Variants in NOL4L observed in about 807,000 individuals in gnomAD.
NOL4L encodes nucleolar protein 4 like, also known as nucleolar protein 4-like.
NOL4L carries 7 observed loss-of-function variants against 64.5 expected under a neutral mutation model. That is an observed-to-expected ratio of 0.11 (90% CI 0.06 to 0.20). The LOEUF is 0.20. Among genes scored for constraint, NOL4L ranks in the 10% least tolerant of loss-of-function variants. NOL4L has a pLI of 1.00. For synonymous variants in NOL4L, 413 were observed against 401.0 expected (o/e 1.03, Z -0.36); for missense variants, 680 against 967.1 (o/e 0.70, Z 3.94).
At chr20:32,557,138 A>G (rs1978705512) in intron 1 of NOL4L, among the ~76,000 whole-genome samples, 2 of 152,200 alleles carry the variant, frequency 1.3e-5, no homozygotes, top group Admixed American at 1.3e-4. Context: ...GAGCCTATCC[A>G]CTACATAAAG....
rs562689896 is a variant in NOL4L, at chr20:32,546,251, T to C, written c.322-18338A>G. ...GTGAGCCAGTGCGCCCAGCTTTTTT[T>C]TCCTTTTTTTGGCGAGGGGATGGAG... On this transcript the variant is annotated intron_variant, in intron 1 of 10. Transcript: ENST00000621426. 9.9e-5 allele frequency among the ~76,000 whole-genome samples: 15 copies of C among 151,208 alleles called. No individual in the cohort carries two copies. The South Asian group carries it at 2.9e-3, about 30-fold the overall frequency.
chr20:32,456,695 G>A (rs1210349219), intron 5 of NOL4L, among the ~76,000 whole-genome samples: 5 of 152,190 alleles, frequency 3.3e-5, no homozygotes, highest in East Asian at 1.9e-4. Context: ...AAGGGAGACC[G>A]AGCTCCAAGG....
At chr20:32,505,886 G>A (rs1201083948) in intron 4 of NOL4L, among the ~76,000 whole-genome samples, 2 of 152,200 alleles carry the variant, frequency 1.3e-5, no homozygotes, top group Admixed American at 1.3e-4. Flanking sequence ...GGCTGGGGGA[G>A]GGGAGGAAGG....
intron 1 of NOL4L, among the ~76,000 whole-genome samples, chr20:32,572,842 C>T (rs1242279826): frequency 1.3e-5 from 2 of 152,144 alleles, no homozygotes; most frequent in Non-Finnish European, 2.9e-5. Flanking sequence ...TACCTCTGCC[C>T]ACTGCCCCTT....
intron 4 of NOL4L, among the ~76,000 whole-genome samples, chr20:32,479,594 C>T (rs2145491909): frequency 1.3e-5 from 2 of 152,258 alleles, no homozygotes; most frequent in Middle Eastern, 6.8e-3. Flanking sequence ...GTGTGCAATC[C>T]ATTACTTCTG....
chr20:32,473,503 C>T (rs899675653), intron 5 of NOL4L, among the ~76,000 whole-genome samples: 1 of 152,202 alleles, frequency 6.6e-6, no homozygotes, highest in African/African-American at 2.4e-5. Flanking sequence ...CCCCACTCCT[C>T]CTGCAGCCAC....
At chr20:32,498,695 C>T (rs546394079) in intron 4 of NOL4L, among the ~76,000 whole-genome samples, 7 of 143,560 alleles carry the variant, frequency 4.9e-5, no homozygotes, top group Middle Eastern at 3.5e-3. Flanking sequence ...CCTGGGAAGT[C>T]GAGGCTGCAT....
At chr20:32,584,269 C>CG (rs1193704233) in intron 1 of NOL4L, among the ~76,000 whole-genome samples, 1 of 150,996 alleles carries the variant, frequency 6.6e-6, no homozygotes, top group Non-Finnish European at 1.5e-5. Flanking sequence ...CGCCTGCTGG[C>CG]GGGGGGAGGG....
At chr20:32,532,340 A>C in intron 1 of NOL4L, 1 of 985,388 alleles carries the variant, frequency 1.0e-6, no homozygotes, top group African/African-American at 1.7e-5. Flanking sequence ...CTGGTGAGCT[A>C]GGGCCACCTG....
In NOL4L at chr20:32,488,818, T is replaced by C. The variant is rs1468310639; in HGVS notation, c.700-14076A>G. Among the ~76,000 whole-genome samples, 46 of 17,434 alleles carry C rather than the reference T, an allele frequency of 2.6e-3. 3 individuals carry two copies. The highest frequency in any genetic ancestry group is 0.01 in the African/African-American group (31 of 3,036). The allele number at this position is 17,434 out of a possible 152,430, so 11.4% of individuals were successfully genotyped here. A position where few individuals can be genotyped will look rare whatever the true frequency, so the allele number is the denominator to read the frequency against. ...TTCTTTCTTTCTTTTTCTTTCTTTC[T>C]TTCTTTCTTTTTCTTTCTTTCTTTC... On this transcript the variant is annotated intron_variant, in intron 4 of 10. Transcript: ENST00000621426.
chr20:32,490,974 A>C (rs2016444482), intron 4 of NOL4L, among the ~76,000 whole-genome samples: 1 of 152,128 alleles, frequency 6.6e-6, no homozygotes, highest in South Asian at 2.1e-4. Context: ...TTTGTCCCCT[A>C]GTCACCCATG....
At chr20:32,494,332 C>T (rs1191366023) in intron 4 of NOL4L, among the ~76,000 whole-genome samples, 1 of 149,948 alleles carries the variant, frequency 6.7e-6, no homozygotes. Flanking sequence ...TCTCTAAAGC[C>T]GAGCCTCAGT....
At chr20:32,531,523 TTGTATTTTTAGGAGAGA>T (rs2018347736) in intron 1 of NOL4L, among the ~76,000 whole-genome samples, 1 of 152,118 alleles carries the variant, frequency 6.6e-6, no homozygotes, top group Admixed American at 6.5e-5. Context: ...TGGCTAATTT[TTGTATTTTTAGGAGAGA>T]TGGCGTTTCA....
intron 2 of NOL4L, among the ~76,000 whole-genome samples, chr20:32,523,369 C>T (rs77333041): frequency 3.5e-4 from 54 of 152,290 alleles, no homozygotes; most frequent in Non-Finnish European, 6.0e-4. Flanking sequence ...TCTGCACTGC[C>T]GTAGGGACCT....
intron 4 of NOL4L, among the ~76,000 whole-genome samples, chr20:32,482,324 C>A (rs2015781240): frequency 2.0e-5 from 3 of 152,080 alleles, no homozygotes; most frequent in Non-Finnish European, 2.9e-5. Context: ...GACGGTCTAA[C>A]CTTAACCTTT....
chr20:32,458,100 C>A (rs1600652816), intron 5 of NOL4L, among the ~76,000 whole-genome samples: 1 of 152,206 alleles, frequency 6.6e-6, no homozygotes, highest in South Asian at 2.1e-4. Context: ...CCACTGGCTG[C>A]TCTCCAGCGC....
chr20:32,486,038 TA>T (rs1175753294), intron 4 of NOL4L, among the ~76,000 whole-genome samples: 2 of 152,250 alleles, frequency 1.3e-5, no homozygotes, highest in African/African-American at 4.8e-5. Flanking sequence ...ATCCCTGAGA[TA>T]AAACAGCCCA....
At chr20:32,539,840 G>A (rs2145595998) in intron 1 of NOL4L, among the ~76,000 whole-genome samples, 1 of 152,286 alleles carries the variant, frequency 6.6e-6, no homozygotes, top group South Asian at 2.1e-4. Context: ...GGGCCACCAG[G>A]GGTAGGCTGT....
rs537267333 is a variant in NOL4L, at chr20:32,499,211, T to G, written c.699+12136A>C. Among the ~76,000 whole-genome samples the G allele has an allele frequency of 8.5e-5, 13 of 152,266 alleles. 1 individual carries two copies. The highest frequency in any genetic ancestry group is 3.1e-4 in the African/African-American group (13 of 41,566). On this transcript the variant is annotated intron_variant, in intron 4 of 10. Transcript: ENST00000621426. ...TTTTTTTTAAATAAATGCCCTATTT[T>G]GCATGATACCATTTTAGGAGGATGG...
Sources: gnomAD v4.1 joint callset for allele counts (sites outside exome capture counted in the v4.1 genomes callset) on GRCh38, gnomAD v4.1.1 for gene constraint, MANE v1.5 for transcripts, NCBI Gene and HGNC (gene_info 2026-07-23, HGNC 2026-07-21) for gene names.